Variants in DCLRE1A observed in about 807,000 individuals in gnomAD.
The protein encoded by DCLRE1A is DNA cross-link repair 1A protein.
DCLRE1A carries 64 observed loss-of-function variants against 91.9 expected under a neutral mutation model. That is an observed-to-expected ratio of 0.70 (90% CI 0.57 to 0.86). DCLRE1A has a LOEUF of 0.86. Ranked by LOEUF, DCLRE1A falls within the 40% of genes least tolerant of loss-of-function variation. The probability of loss-of-function intolerance (pLI) is 0.00; values close to 1 mark genes in which losing one functional copy is unlikely to be tolerated. For missense variants in DCLRE1A, 1,145 were observed against 1,213.3 expected, an observed-to-expected ratio of 0.94 and a Z score of 0.84; for synonymous variants, 416 against 431.1, an observed-to-expected ratio of 0.96 and a Z score of 0.43.
At chr10:113,851,676 C>G (rs928888949) in intron 1 of DCLRE1A, among the ~76,000 whole-genome samples, 3 of 151,650 alleles carry the variant, frequency 2.0e-5, no homozygotes, top group Admixed American at 6.6e-5. Flanking sequence ...ATACATAGCA[C>G]GATGACTAAA....
chr10:113,841,286 A>G, intron 7 of DCLRE1A, 120 bp downstream of exon 7: 1 of 1,174,110 alleles, frequency 8.5e-7, no homozygotes, highest in Non-Finnish European at 1.2e-6. Context: ...AAGATTGTCT[A>G]GGGCAAATTT....
chr10:113,847,333 T>C lies in DCLRE1A; in HGVS notation c.2128A>G (p.Thr710Ala). The C allele has an allele frequency of 1.2e-6, 2 of 1,613,394 alleles. No homozygotes were observed. The highest frequency in any genetic ancestry group is 1.7e-6 in the Non-Finnish European group (2 of 1,179,630). Residue 710 changes from threonine (T) to alanine (A), a missense_variant and splice_region_variant, in exon 3 of 9, where the codon ACC (threonine) becomes GCC (alanine). Physicochemically the swap from Thr to Ala is moderately conservative, Grantham distance 58. Coordinates refer to ENST00000361384, the MANE Select transcript of DCLRE1A (RefSeq NM_014881.5). ...TGAAAGGCATCAACTGTAAAGCCGG[T>C]TCCTGCAATAAAAATACCGACACAG... ...TCPFYKKIPGTGFTVDAFQYG... is the reference protein window; with the variant it reads ...TCPFYKKIPGAGFTVDAFQYG...
chr10:113,846,255 A>AT (rs1237609886), intron 3 of DCLRE1A, among the ~76,000 whole-genome samples: 1 of 152,164 alleles, frequency 6.6e-6, no homozygotes, highest in Non-Finnish European at 1.5e-5. Context: ...AGACTCTGCC[A>AT]TTTTTAGCTC....
upstream of DCLRE1A, chr10:113,854,278 T>C (rs1281372651): frequency 6.6e-6 from 1 of 152,226 alleles, no homozygotes; most frequent in Non-Finnish European, 1.5e-5. Flanking sequence ...TGTTTGTGTA[T>C]AAGTGAAAGC....
At position 113,852,770 on chromosome 10, in the gene DCLRE1A, C is replaced by T. The variant is rs201913432; in HGVS notation, c.413G>A (p.Arg138Gln). 5.6e-6 allele frequency: 9 copies of T among 1,614,056 alleles called. No homozygotes were observed. Among genetic ancestry groups the T allele is most frequent in the Admixed American group, 5.0e-5 (3 of 59,996 alleles). The change falls in exon 1 of 9, where the codon CGA (arginine) becomes CAA (glutamine). Residue 138 changes from arginine to glutamine, a missense_variant. Arg to Gln is a conservative substitution (Grantham distance 43). Coordinates refer to ENST00000361384, the MANE Select transcript of DCLRE1A (RefSeq NM_014881.5). Reference sequence around the variant, plus strand: ...ATCCAAACATTCAAAAACATGCCATCGAGGTGTCTGCCCTATCAATGAGGA... The same window carrying T: ...ATCCAAACATTCAAAAACATGCCATTGAGGTGTCTGCCCTATCAATGAGGA... ...PFSSLIGQTP[R>Q]WHVFECLDSP...
In DCLRE1A at chr10:113,850,615, T is replaced by G; in HGVS notation, c.490A>C (p.Thr164Pro). 1 of 1,612,052 alleles carries G rather than the reference T, an allele frequency of 6.2e-7. No individual in the cohort carries two copies. Among genetic ancestry groups the G allele is most frequent in the African/African-American group, 1.3e-5 (1 of 74,982 alleles). The change falls in exon 2 of 9, where the codon ACC becomes CCC. Residue 164 changes from threonine (T) to proline (P), a missense_variant. Transcript: ENST00000361384. ...ECPDGLLCTS[T>P]IPFHYKRYTH... ...TATCTCTTGTAATGAAAAGGAATGG[T>G]TGAGGTACACAGAAGACCATCAGGA...
In DCLRE1A at chr10:113,838,413, G is replaced by T. The variant is rs115789632; in HGVS notation, c.2821-1210C>A. On this transcript the variant is annotated intron_variant, in intron 7 of 8. Coordinates refer to ENST00000361384, the MANE Select transcript of DCLRE1A (RefSeq NM_014881.5). ...TTTGTCTCTGCAAAACCATCCAGAA[G>T]AATTAAATGATAACTAATATTTGCT... 2.4e-3 allele frequency among the ~76,000 whole-genome samples: 366 copies of T among 152,238 alleles called. 2 individuals are homozygous for T. The highest frequency in any genetic ancestry group is 8.4e-3 in the African/African-American group (351 of 41,554).
Position 113,841,491 on chromosome 10 carries a change from T to G in DCLRE1A, c.2735A>C (p.Asn912Thr). 2.5e-6 allele frequency: 4 copies of G among 1,613,676 alleles called. No individual in the cohort carries two copies. Among genetic ancestry groups the G allele is most frequent in the Non-Finnish European group, 3.4e-6 (4 of 1,179,792 alleles). The change falls in exon 7 of 9, where the codon AAT (asparagine) becomes ACT (threonine). Residue 912 changes from asparagine (N) to threonine (T), a missense_variant. Transcript: ENST00000361384. The part of the protein sequence containing the change: ...QEKYKTLQCL[N>T]IPEINSLITT... ...GATGAGTGAATTAATTTCTGGTATA[T>G]TGAGGCACTGTAGAGTTTTATATTT... is the stretch of plus-strand genomic sequence containing the variant.
chr10:113,841,269 C>T, intron 7 of DCLRE1A, 137 bp downstream of exon 7: 1 of 939,658 alleles, frequency 1.1e-6, no homozygotes, highest in Non-Finnish European at 1.5e-6. Flanking sequence ...TTTAAAATTC[C>T]TCTTAAAAGA....
intron 7 of DCLRE1A, among the ~76,000 whole-genome samples, chr10:113,837,435 T>C (rs776626854): frequency 2.0e-5 from 3 of 152,132 alleles, no homozygotes; most frequent in Non-Finnish European, 4.4e-5. Flanking sequence ...AAAAAAAGTA[T>C]AGCGAGACAA....
Position 113,850,359 on chromosome 10 carries a change from G to T in DCLRE1A, c.746C>A (p.Ser249Tyr). The change falls in exon 2 of 9, where the codon TCT becomes TAT. Residue 249 changes from serine (S) to tyrosine (Y), a missense_variant. Ser to Tyr is a moderately radical substitution (Grantham distance 144). Coordinates refer to ENST00000361384, the MANE Select transcript of DCLRE1A (RefSeq NM_014881.5). ...TTGTTGGGATGTTTGGATATGAGTA[G>T]AAATCTTTTCACTGGCTTCAGTCAG... ...PSLTEASEKI[S>Y]THIQTSQQAL... 2 of 1,614,216 alleles carry T rather than the reference G, an allele frequency of 1.2e-6. No individual in the cohort carries two copies. The highest frequency in any genetic ancestry group is 1.7e-6 in the Non-Finnish European group (2 of 1,180,036).
chr10:113,852,928 T>G lies in DCLRE1A; in HGVS notation c.255A>C (p.Gly85=). The G allele has an allele frequency of 6.2e-7, 1 of 1,614,148 alleles. No individual in the cohort carries two copies. The highest frequency in any genetic ancestry group is 1.1e-5 in the South Asian group (1 of 91,076). ...TGTCTTGGGTCTGCTGAATACCATC[T>G]CCACAACTTGAATTCTGACTAGAAG... ...SVASSQNSSC[G]DGIQQTQDKE... is the part of the protein sequence containing the mutation. Residue 85 remains glycine, a synonymous_variant, in exon 1 of 9, where the codon GGA becomes GGC. Transcript: ENST00000361384.
At chr10:113,848,168 T>C (rs2134664468) in intron 2 of DCLRE1A, among the ~76,000 whole-genome samples, 1 of 151,870 alleles carries the variant, frequency 6.6e-6, no homozygotes, top group South Asian at 2.1e-4. Flanking sequence ...GAAAAAAAAA[T>C]TAGCCGGGCG....
At chr10:113,846,909 G>A (rs1407080272) in intron 3 of DCLRE1A, among the ~76,000 whole-genome samples, 1 of 152,112 alleles carries the variant, frequency 6.6e-6, no homozygotes, top group Non-Finnish European at 1.5e-5. Context: ...ACTGTATTTT[G>A]CCTTGAGAAT....
Position 113,849,621 on chromosome 10 carries a change from T to C in DCLRE1A, c.1484A>G (p.Asn495Ser), listed in dbSNP as rs753072284. Residue 495 changes from asparagine to serine, a missense_variant, in exon 2 of 9, where the codon AAT becomes AGT. Transcript: ENST00000361384. The part of the protein sequence containing the change: ...TIRKLSSENL[N>S]AKNNTNSACF... ...TGCTGAGTTAGTATTATTCTTAGCA[T>C]TCAAGTTCTCACTTGATAATTTTCT... The C allele has an allele frequency of 6.2e-7, 1 of 1,614,168 alleles. No individual in the cohort carries two copies. The highest frequency in any genetic ancestry group is 8.5e-7 in the Non-Finnish European group (1 of 1,180,042).
At chr10:113,841,285 T>C in intron 7 of DCLRE1A, 121 bp downstream of exon 7, 1 of 1,170,264 alleles carries the variant, frequency 8.5e-7, no homozygotes. Context: ...AAAGATTGTC[T>C]AGGGCAAATT....
intron 2 of DCLRE1A, among the ~76,000 whole-genome samples, chr10:113,848,272 GCGCC>G (rs1845575181): frequency 6.6e-6 from 1 of 152,076 alleles, no homozygotes; most frequent in African/African-American, 2.4e-5. Flanking sequence ...AGCTGAGATC[GCGCC>G]ACTGCACTCC....
rs1402708660 is a variant in DCLRE1A at position 113,842,343 on chromosome 10, C to T, written c.2665G>A (p.Ala889Thr). The T allele has an allele frequency of 1.9e-6, 3 of 1,611,646 alleles. No homozygotes were observed. The highest frequency in any genetic ancestry group is 2.5e-6 in the Non-Finnish European group (3 of 1,178,608). Residue 889 changes from alanine (A) to threonine (T), a missense_variant and splice_region_variant, in exon 6 of 9, where the codon GCC becomes ACC. Ala to Thr is a moderately conservative substitution (Grantham distance 58). Transcript: ENST00000361384. The stretch of plus-strand genomic sequence containing the variant: ...TAAATTAGATACACCTACAACTCAC[C>T]TAGGAAGACTTTCTCTTTTCCAATA... ...YSIGKEKVFL[A>T]IADVLGSKVG...
chr10:113,843,299 C>G (rs1238448268), intron 5 of DCLRE1A, among the ~76,000 whole-genome samples: 1 of 152,066 alleles, frequency 6.6e-6, no homozygotes, highest in East Asian at 1.9e-4. Flanking sequence ...CTATAACAAC[C>G]CATGAGGAAA....
Sources: allele counts gnomAD v4.1 joint callset (sites outside exome capture counted in the v4.1 genomes callset), GRCh38; gene constraint gnomAD v4.1.1; transcripts MANE v1.5; gene names NCBI Gene and HGNC (gene_info 2026-07-23, HGNC 2026-07-21).